Variants in UBE2F observed in about 807,000 individuals in gnomAD.
The protein encoded by UBE2F is ubiquitin conjugating enzyme E2 F (putative).
A neutral mutation model predicts 29.6 loss-of-function variants in UBE2F; 5 were observed. That is an observed-to-expected ratio of 0.17 (90% CI 0.09 to 0.36). UBE2F has a LOEUF of 0.36. Ranked by LOEUF, UBE2F falls within the 10% of genes least tolerant of loss-of-function variation. The pLI, the probability that UBE2F is intolerant of heterozygous loss-of-function variation, is 1.00. For synonymous variants in UBE2F, 66 were observed against 81.8 expected, an observed-to-expected ratio of 0.81 and a Z score of 1.04; for missense variants, 141 against 228.5, an observed-to-expected ratio of 0.62 and a Z score of 2.47.
chr2:238,022,765 G>A (rs2064326154), intron 5 of UBE2F, among the ~76,000 whole-genome samples: 1 of 152,186 alleles, frequency 6.6e-6, no homozygotes, highest in Non-Finnish European at 1.5e-5. Flanking sequence ...GTGAGTGATG[G>A]TGGCCGTGCC....
At chr2:238,004,287 A>G (rs2063857287) in intron 4 of UBE2F, among the ~76,000 whole-genome samples, 1 of 152,168 alleles carries the variant, frequency 6.6e-6, no homozygotes, top group Non-Finnish European at 1.5e-5. Context: ...AAAAAACTTT[A>G]CTCATGGTAG....
intron 2 of UBE2F, among the ~76,000 whole-genome samples, chr2:237,974,522 T>TTG (rs1559198919): frequency 1.4e-5 from 2 of 142,334 alleles, no homozygotes; most frequent in Admixed American, 1.4e-4. Flanking sequence ...TTTGTTTTTT[T>TTG]TTTTTTTTTG....
At chr2:238,038,346 G>A (rs2064765976) in intron 9 of UBE2F, among the ~76,000 whole-genome samples, 1 of 152,226 alleles carries the variant, frequency 6.6e-6, no homozygotes, top group Non-Finnish European at 1.5e-5. Context: ...TCCCCATGGG[G>A]GCAATCAGTC....
chr2:238,029,492 G>A (rs1249707194), intron 6 of UBE2F, among the ~76,000 whole-genome samples: 2 of 152,018 alleles, frequency 1.3e-5, no homozygotes, highest in Non-Finnish European at 2.9e-5. Flanking sequence ...CTACTCAGGA[G>A]GCTGAGGCAG....
At chr2:238,001,018 G>A (rs1299115765) in intron 4 of UBE2F, among the ~76,000 whole-genome samples, 2 of 143,786 alleles carry the variant, frequency 1.4e-5, no homozygotes, top group African/African-American at 5.1e-5. Flanking sequence ...TTTATTTTTT[G>A]AGATAGAGTT....
intron 4 of UBE2F, among the ~76,000 whole-genome samples, chr2:237,996,297 G>T (rs1458278223): frequency 6.6e-6 from 1 of 152,122 alleles, no homozygotes; most frequent in Non-Finnish European, 1.5e-5. Flanking sequence ...TCTTTCATCT[G>T]CCTTTCTAGG....
intron 4 of UBE2F, among the ~76,000 whole-genome samples, chr2:238,014,004 T>C (rs1033207023): frequency 1.3e-5 from 2 of 152,204 alleles, no homozygotes; most frequent in African/African-American, 4.8e-5. Flanking sequence ...ACAGACATTC[T>C]CAATGAGTCC....
chr2:237,989,295 G>A (rs2063538311), intron 3 of UBE2F, among the ~76,000 whole-genome samples: 2 of 152,142 alleles, frequency 1.3e-5, no homozygotes, highest in African/African-American at 4.8e-5. Context: ...ATGGTGGATT[G>A]CAACCTCTCC....
chr2:237,984,332 C>T (rs997884975), intron 2 of UBE2F, among the ~76,000 whole-genome samples: 3 of 152,210 alleles, frequency 2.0e-5, no homozygotes, highest in Non-Finnish European at 4.4e-5. Flanking sequence ...AACTTCTGTT[C>T]AGAAATCTCC....
chr2:237,993,654 G>A (rs1347958065), intron 3 of UBE2F, among the ~76,000 whole-genome samples: 5 of 152,126 alleles, frequency 3.3e-5, no homozygotes, highest in Non-Finnish European at 7.4e-5. Flanking sequence ...CAGAGGTTGC[G>A]GTGAGCTGGA....
chr2:238,026,808 A>G (rs1439837341), intron 6 of UBE2F, among the ~76,000 whole-genome samples: 1 of 152,162 alleles, frequency 6.6e-6, no homozygotes, highest in African/African-American at 2.4e-5. Context: ...TCCTTCTTCA[A>G]TATCAGCCTC....
chr2:238,014,345 A>C (rs142012821), intron 4 of UBE2F, among the ~76,000 whole-genome samples: 1 of 152,362 alleles, frequency 6.6e-6, no homozygotes, highest in African/African-American at 2.4e-5. Context: ...GATTTGTTTC[A>C]TGAAAGAGAA....
chr2:238,024,113 G>A (rs1396593467), intron 5 of UBE2F, among the ~76,000 whole-genome samples: 1 of 152,180 alleles, frequency 6.6e-6, no homozygotes, highest in Non-Finnish European at 1.5e-5. Flanking sequence ...TGAGTATGCT[G>A]CATGCACACT....
intron 2 of UBE2F, among the ~76,000 whole-genome samples, chr2:237,987,442 T>C (rs987712839): frequency 1.5e-4 from 23 of 152,216 alleles, no homozygotes; most frequent in Non-Finnish European, 2.5e-4. Flanking sequence ...TGGCGAGGGT[T>C]TGCAGTTTTG....
chr2:238,033,379 TCA>T (rs1337353611), intron 8 of UBE2F, among the ~76,000 whole-genome samples: 3 of 152,248 alleles, frequency 2.0e-5, no homozygotes, highest in Non-Finnish European at 4.4e-5. Context: ...GAAATAAGCT[TCA>T]GAGATCTGTT....
intron 4 of UBE2F, among the ~76,000 whole-genome samples, chr2:238,008,533 T>C (rs1355920453): frequency 6.6e-6 from 1 of 152,222 alleles, no homozygotes; most frequent in African/African-American, 2.4e-5. Context: ...CTTTAATTAC[T>C]GATGTTGTAA....
chr2:238,010,140 A>G (rs888190160), intron 4 of UBE2F, among the ~76,000 whole-genome samples: 1 of 151,982 alleles, frequency 6.6e-6, no homozygotes, highest in Non-Finnish European at 1.5e-5. Flanking sequence ...TTCTGTAACT[A>G]GATATACAGG....
At chr2:238,032,679 C>T (rs2064610426) in intron 8 of UBE2F, 1 of 166,816 alleles carries the variant, frequency 6.0e-6, no homozygotes, top group Admixed American at 6.0e-5. Flanking sequence ...CACCTGTAAT[C>T]CTAGCACGTT....
At chr2:238,015,087 G>A (rs2064123712) in intron 4 of UBE2F, among the ~76,000 whole-genome samples, 1 of 152,198 alleles carries the variant, frequency 6.6e-6, no homozygotes, top group African/African-American at 2.4e-5. Flanking sequence ...CTGATTAAAT[G>A]TAATCTATGA....
Sources: allele counts gnomAD v4.1 joint callset (sites outside exome capture counted in the v4.1 genomes callset), GRCh38; gene constraint gnomAD v4.1.1; transcripts MANE v1.5; gene names NCBI Gene and HGNC (gene_info 2026-07-23, HGNC 2026-07-21).